RIMS1: variants seen among roughly 807,000 people sequenced by gnomAD.
RIMS1 encodes the protein regulating synaptic membrane exocytosis protein 1.
RIMS1 carries 83 observed loss-of-function variants against 214.1 expected under a neutral mutation model. That is an observed-to-expected ratio of 0.39 (90% confidence interval 0.32 to 0.47). The LOEUF (loss-of-function observed/expected upper bound fraction) is 0.47, where lower values mean the gene tolerates loss of function less well. Among genes scored for constraint, RIMS1 ranks in the 20% least tolerant of loss-of-function variants. The pLI is 0.99. For missense variants in RIMS1, 2,050 were observed against 2,161.8 expected (o/e 0.95, Z 1.03); for synonymous variants, 793 against 786.8 (o/e 1.01, Z -0.13).
rs117076237 is a variant in RIMS1 at position 72,081,659 on chromosome 6, A to G, written c.246-15290A>G. Among the ~76,000 whole-genome samples, 1,263 of 152,154 alleles carry G rather than the reference A, an allele frequency of 8.3e-3. 13 individuals carry two copies. The highest frequency in any genetic ancestry group is 0.015 in the Non-Finnish European group (1,008 of 68,006). ...TAGAAGAGGTTGTCTGGAGTTGATT[A>G]AACAGTGGTAGGGGTTCTGGGTTAC... On this transcript the variant is annotated intron_variant, in intron 2 of 33. Transcript: ENST00000521978.
chr6:72,397,511 G>A (rs1377634118), intron 31 of RIMS1, among the ~76,000 whole-genome samples: 3 of 152,130 alleles, frequency 2.0e-5, no homozygotes, highest in African/African-American at 7.2e-5. Flanking sequence ...AACCTTTCTG[G>A]AGGAGTTGGC....
intron 23 of RIMS1, 122 bp downstream of exon 23, chr6:72,274,554 T>C (rs1473553112): frequency 2.7e-6 from 2 of 730,932 alleles, no homozygotes; most frequent in African/African-American, 1.7e-5. Context: ...GAGCCAGATA[T>C]GTTAGATGTA....
In RIMS1 at chr6:72,332,437, A is replaced by G. The variant is rs149356665; in HGVS notation, c.4131-1163A>G. Among the ~76,000 whole-genome samples the G allele has an allele frequency of 2.9e-4, 44 of 150,686 alleles. No homozygotes were observed. The East Asian group carries it at 6.6e-3, about 23-fold the overall frequency. ...ATTCTCAGTAAACTATCGCAAGGAC[A>G]AAAAACCAAACACCACATGTTCTCA... On this transcript the variant is annotated intron_variant, in intron 28 of 33. Transcript: ENST00000521978.
At position 72,290,760 on chromosome 6, in the gene RIMS1, T is replaced by G; in HGVS notation, c.3636T>G (p.Pro1212=). 6.2e-7 allele frequency: 1 copy of G among 1,613,876 alleles called. No homozygotes were observed. The part of the protein sequence containing the change: ...TDQPVIRGKH[P]ARSRSSEHSS... ...AGCCAGTCATTAGGGGAAAACATCCTGCTCGCTCAAGGTCGAGTGAGCACT... is the reference window on the plus strand; with the variant it reads ...AGCCAGTCATTAGGGGAAAACATCCGGCTCGCTCAAGGTCGAGTGAGCACT... The change falls in exon 25 of 34, where the codon CCT becomes CCG. Residue 1212 remains proline (P), a synonymous_variant. Transcript: ENST00000521978.
intron 2 of RIMS1, among the ~76,000 whole-genome samples, chr6:72,040,250 C>G (rs1821063324): frequency 6.6e-6 from 1 of 151,962 alleles, no homozygotes; most frequent in Non-Finnish European, 1.5e-5. Context: ...CATGATAATT[C>G]CCCTGGAAGA....
chr6:72,319,855 C>T (rs2096051018), intron 28 of RIMS1, among the ~76,000 whole-genome samples: 1 of 151,904 alleles, frequency 6.6e-6, no homozygotes. Context: ...AAATGTGAAT[C>T]ATACCTGCCA....
intron 4 of RIMS1, among the ~76,000 whole-genome samples, chr6:72,100,489 CT>C (rs1215688402): frequency 2.6e-5 from 4 of 151,946 alleles, no homozygotes; most frequent in Non-Finnish European, 1.5e-5. Context: ...TTTTTCTTCT[CT>C]CCTATGAATA....
Position 72,384,522 on chromosome 6 carries a change from T to C in RIMS1, c.4367-6076T>C, listed in dbSNP as rs145632162. On this transcript the variant is annotated intron_variant, in intron 29 of 33. Transcript: ENST00000521978. ...TAGTTCTTGACACACTTACTTCTTCTGATTTCTGTACCATTGCACTTACTG... is the reference window on the plus strand; with the variant it reads ...TAGTTCTTGACACACTTACTTCTTCCGATTTCTGTACCATTGCACTTACTG... Among the ~76,000 whole-genome samples, 180 of 152,336 alleles carry C rather than the reference T, an allele frequency of 1.2e-3. 1 individual carries two copies. The highest frequency in any genetic ancestry group is 3.9e-3 in the African/African-American group (164 of 41,578).
At chr6:72,100,204 CAG>C (rs1354541270) in intron 4 of RIMS1, among the ~76,000 whole-genome samples, 1 of 151,958 alleles carries the variant, frequency 6.6e-6, no homozygotes, top group African/African-American at 2.4e-5. Flanking sequence ...TTCATGATGA[CAG>C]TGAAATTTTA....
intron 1 of RIMS1, among the ~76,000 whole-genome samples, chr6:71,917,777 G>A (rs2150706715): frequency 6.6e-6 from 1 of 152,246 alleles, no homozygotes; most frequent in South Asian, 2.1e-4. Context: ...GCAGTAATGA[G>A]GATGGGCTGG....
chr6:71,955,556 T>C (rs7768806), intron 1 of RIMS1, among the ~76,000 whole-genome samples: 3,193 of 152,254 alleles, frequency 0.021, 108 homozygotes, highest in African/African-American at 0.071. Context: ...AGTCATAGGA[T>C]AGGTTGCTTT....
intron 6 of RIMS1, among the ~76,000 whole-genome samples, chr6:72,199,586 T>C (rs1264429007): frequency 6.6e-6 from 1 of 152,242 alleles, no homozygotes; most frequent in African/African-American, 2.4e-5. Flanking sequence ...TGAAATGCTC[T>C]GGAGAGGGCA....
intron 2 of RIMS1, among the ~76,000 whole-genome samples, chr6:72,066,472 A>G (rs1394330699): frequency 6.6e-6 from 1 of 152,130 alleles, no homozygotes; most frequent in Non-Finnish European, 1.5e-5. Context: ...CTGCAGATGG[A>G]TTTATCTCCT....
chr6:71,952,248 ACT>A (rs1217441960), intron 1 of RIMS1, among the ~76,000 whole-genome samples: 11 of 152,012 alleles, frequency 7.2e-5, no homozygotes, highest in Middle Eastern at 3.4e-3. Context: ...TTCTCTAGTA[ACT>A]CTGTCATTTG....
chr6:72,214,793 C>G (rs187314688), intron 6 of RIMS1, among the ~76,000 whole-genome samples: 1 of 151,940 alleles, frequency 6.6e-6, no homozygotes, highest in East Asian at 1.9e-4. Context: ...GCGATCTTGG[C>G]TCGTTGCAAC....
intron 6 of RIMS1, among the ~76,000 whole-genome samples, chr6:72,203,664 T>G (rs1291313290): frequency 6.6e-6 from 1 of 152,202 alleles, no homozygotes; most frequent in Non-Finnish European, 1.5e-5. Flanking sequence ...TAAAAATATG[T>G]GCTGGAGTAG....
At chr6:72,097,210 T>C in intron 3 of RIMS1, 48 bp downstream of exon 3, 2 of 1,506,846 alleles carry the variant, frequency 1.3e-6, no homozygotes, top group Non-Finnish European at 1.8e-6. Context: ...GGATAAAAAC[T>C]ATTACGCCTT....
At chr6:72,158,086 A>G (rs1369709269) in intron 4 of RIMS1, among the ~76,000 whole-genome samples, 1 of 140,650 alleles carries the variant, frequency 7.1e-6, no homozygotes, top group African/African-American at 2.5e-5. Context: ...ATATTCATTT[A>G]TATTTACCAA....
intron 4 of RIMS1, among the ~76,000 whole-genome samples, chr6:72,108,131 T>A (rs981320888): frequency 6.6e-6 from 1 of 152,146 alleles, no homozygotes; most frequent in African/African-American, 2.4e-5. Flanking sequence ...GCCATCATCC[T>A]ACCTCACCCT....
Sources: gnomAD v4.1 joint callset for allele counts (sites outside exome capture counted in the v4.1 genomes callset) on GRCh38, gnomAD v4.1.1 for gene constraint, MANE v1.5 for transcripts, NCBI Gene and HGNC (gene_info 2026-07-23, HGNC 2026-07-21) for gene names.